Variants in KCNH8 observed in about 807,000 individuals in gnomAD.
KCNH8 encodes the protein voltage-gated delayed rectifier potassium channel KCNH8.
KCNH8 carries 70 observed loss-of-function variants against 103.6 expected under a neutral mutation model. The observed-to-expected ratio is 0.68, with a 90% CI of 0.56 to 0.82. The LOEUF (loss-of-function observed/expected upper bound fraction) is 0.82, where lower values mean the gene tolerates loss of function less well. Ranked by LOEUF, KCNH8 falls within the 40% of genes least tolerant of loss-of-function variation. The pLI is 0.00. For missense variants in KCNH8, 1,217 were observed against 1,329.9 expected (o/e 0.92, Z 1.32); for synonymous variants, 498 against 489.4 (o/e 1.02, Z -0.23).
At chr3:19,227,608 A>AC (rs2063946328) in intron 1 of KCNH8, among the ~76,000 whole-genome samples, 1 of 152,228 alleles carries the variant, frequency 6.6e-6, no homozygotes, top group African/African-American at 2.4e-5. Flanking sequence ...CATATCAGCT[A>AC]CCTATGGCCT....
chr3:19,237,880 A>G (rs1240638990), intron 1 of KCNH8, among the ~76,000 whole-genome samples: 1 of 152,232 alleles, frequency 6.6e-6, no homozygotes, highest in Non-Finnish European at 1.5e-5. Flanking sequence ...AAATGCGATT[A>G]AAGGTCCATT....
At chr3:19,426,812 G>C (rs138993784) in intron 7 of KCNH8, among the ~76,000 whole-genome samples, 112 of 152,162 alleles carry the variant, frequency 7.4e-4, no homozygotes, top group African/African-American at 2.5e-3. Flanking sequence ...AAATATCATT[G>C]TTCTTTATCC....
intron 3 of KCNH8, among the ~76,000 whole-genome samples, chr3:19,298,765 A>G (rs1234623256): frequency 6.6e-6 from 1 of 151,864 alleles, no homozygotes; most frequent in Non-Finnish European, 1.5e-5. Context: ...TACTAAAAAT[A>G]TAAAAAATTA....
chr3:19,461,023 G>C (rs983874484), intron 11 of KCNH8, among the ~76,000 whole-genome samples: 5 of 152,130 alleles, frequency 3.3e-5, no homozygotes, highest in Non-Finnish European at 5.9e-5. Flanking sequence ...AAATTACCCA[G>C]TCTCAGGTAT....
At chr3:19,511,314 T>G (rs1253723882) in intron 12 of KCNH8, among the ~76,000 whole-genome samples, 1 of 152,100 alleles carries the variant, frequency 6.6e-6, no homozygotes, top group African/African-American at 2.4e-5. Flanking sequence ...AAGCAACTTG[T>G]CCAAGACACC....
At chr3:19,460,839 A>C (rs141790826) in intron 11 of KCNH8, among the ~76,000 whole-genome samples, 8 of 152,276 alleles carry the variant, frequency 5.3e-5, no homozygotes, top group Non-Finnish European at 1.2e-4. Context: ...GTTAATTCTC[A>C]TAAGATCTGA....
chr3:19,450,095 G>A lies in KCNH8; in HGVS notation c.1376-11G>A. On this transcript the variant is annotated splice_polypyrimidine_tract_variant and intron_variant, in intron 8 of 15. Coordinates refer to ENST00000328405, the MANE Select transcript of KCNH8 (RefSeq NM_144633.3). ...TTTCTCTTCCATTATATACTGTGTT[G>A]TTCTTTCTAGCCTTGATGCACGCCT... is the stretch of plus-strand genomic sequence containing the variant. 1.9e-6 allele frequency: 3 copies of A among 1,611,576 alleles called. No individual in the cohort carries two copies. The highest frequency in any genetic ancestry group is 1.7e-6 in the Non-Finnish European group (2 of 1,178,248).
intron 3 of KCNH8, among the ~76,000 whole-genome samples, chr3:19,303,213 T>A (rs2065086063): frequency 6.6e-6 from 1 of 152,192 alleles, no homozygotes; most frequent in Non-Finnish European, 1.5e-5. Context: ...GAAGTTTTAA[T>A]GCAGAGTGAA....
At chr3:19,462,230 A>G (rs921416416) in intron 11 of KCNH8, among the ~76,000 whole-genome samples, 6 of 152,180 alleles carry the variant, frequency 3.9e-5, no homozygotes, top group African/African-American at 1.2e-4. Flanking sequence ...GTCTTCCACA[A>G]TGGTTGAACT....
In KCNH8 at chr3:19,298,014, A is replaced by G. The variant is rs2065017418; in HGVS notation, c.442+16685A>G. Among the ~76,000 whole-genome samples the G allele has an allele frequency of 1.3e-5, 2 of 152,210 alleles. 1 individual carries two copies. The highest frequency in any genetic ancestry group is 4.1e-4 in the South Asian group (2 of 4,826). On this transcript the variant is annotated intron_variant, in intron 3 of 15. Coordinates refer to ENST00000328405, the MANE Select transcript of KCNH8 (RefSeq NM_144633.3). Reference sequence around the variant, plus strand: ...TTTTTGGTGTCTCTCCATGGTGACTATCACTCTTATGCAATTGTACATCAC... The same window carrying G: ...TTTTTGGTGTCTCTCCATGGTGACTGTCACTCTTATGCAATTGTACATCAC...
intron 11 of KCNH8, among the ~76,000 whole-genome samples, chr3:19,501,311 G>A (rs1325602608): frequency 6.6e-6 from 1 of 152,062 alleles, no homozygotes; most frequent in Non-Finnish European, 1.5e-5. Flanking sequence ...AAAGAGTCCA[G>A]ACCAGATGGA....
chr3:19,481,172 G>C (rs1350907540), intron 11 of KCNH8, among the ~76,000 whole-genome samples: 1 of 151,920 alleles, frequency 6.6e-6, no homozygotes, highest in Non-Finnish European at 1.5e-5. Flanking sequence ...TGATTTTGTT[G>C]TTTATTTATA....
At chr3:19,461,750 T>G (rs908702872) in intron 11 of KCNH8, among the ~76,000 whole-genome samples, 18 of 152,264 alleles carry the variant, frequency 1.2e-4, no homozygotes, top group African/African-American at 4.3e-4. Context: ...ATGTGCCATG[T>G]TGGTTTGCCG....
intron 6 of KCNH8, chr3:19,391,670 T>C (rs2066439782): frequency 6.6e-6 from 1 of 152,066 alleles, no homozygotes; most frequent in African/African-American, 2.4e-5. Context: ...ATAGTTTCTT[T>C]TTATTCTTTT....
chr3:19,452,061 T>G (rs1188148868), intron 10 of KCNH8, among the ~76,000 whole-genome samples: 1 of 152,198 alleles, frequency 6.6e-6, no homozygotes, highest in African/African-American at 2.4e-5. Context: ...ATTGAAAATC[T>G]TATTTACAAT....
intron 1 of KCNH8, among the ~76,000 whole-genome samples, chr3:19,152,179 A>C (rs1450610458): frequency 6.6e-6 from 1 of 152,116 alleles, no homozygotes; most frequent in Non-Finnish European, 1.5e-5. Flanking sequence ...GTAATTTAAG[A>C]AAATCTTTTC....
At chr3:19,201,119 C>T (rs779692219) in intron 1 of KCNH8, among the ~76,000 whole-genome samples, 12 of 148,426 alleles carry the variant, frequency 8.1e-5, no homozygotes, top group Admixed American at 2.7e-4. Flanking sequence ...GTTATCCCAG[C>T]TACTAGGAAG....
intron 1 of KCNH8, among the ~76,000 whole-genome samples, chr3:19,203,566 T>TA: frequency 6.6e-6 from 1 of 152,180 alleles, no homozygotes; most frequent in South Asian, 2.1e-4. Context: ...ATGTTATTCA[T>TA]AAAAATGCAT....
chr3:19,170,243 T>C (rs1013616789), intron 1 of KCNH8, among the ~76,000 whole-genome samples: 7 of 152,200 alleles, frequency 4.6e-5, no homozygotes, highest in African/African-American at 1.7e-4. Context: ...TTTCACGTCC[T>C]ATTTTTACCC....
Sources: allele counts gnomAD v4.1 joint callset (sites outside exome capture counted in the v4.1 genomes callset), GRCh38; gene constraint gnomAD v4.1.1; transcripts MANE v1.5; gene names NCBI Gene and HGNC (gene_info 2026-07-23, HGNC 2026-07-21).